UBE2E2: variants seen among roughly 807,000 people sequenced by gnomAD.
UBE2E2 encodes ubiquitin-conjugating enzyme E2 E2.
UBE2E2 carries 6 observed loss-of-function variants against 24.7 expected under a neutral mutation model. The ratio of observed to expected loss-of-function variants is 0.24; its 90% CI spans 0.13 to 0.48. UBE2E2 has a LOEUF of 0.48. UBE2E2 is among the 20% of genes least tolerant of loss of function. The pLI is 0.99. For synonymous variants in UBE2E2, 104 were observed against 83.6 expected (o/e 1.24, Z -1.33); for missense variants, 169 against 245.0 (o/e 0.69, Z 2.07).
chr3:23,362,058 A>C (rs866085997), intron 3 of UBE2E2, among the ~76,000 whole-genome samples: 1 of 152,222 alleles, frequency 6.6e-6, no homozygotes, highest in Admixed American at 6.5e-5. Flanking sequence ...AAATTCAGGA[A>C]GAAGGGGCCA....
At chr3:23,555,123 G>A in intron 5 of UBE2E2, among the ~76,000 whole-genome samples, 1 of 151,940 alleles carries the variant, frequency 6.6e-6, no homozygotes, top group South Asian at 2.1e-4. Context: ...CACCATGTTG[G>A]CCAGTCTGGT....
At chr3:23,507,221 G>C (rs1477558432) in intron 4 of UBE2E2, among the ~76,000 whole-genome samples, 1 of 152,080 alleles carries the variant, frequency 6.6e-6, no homozygotes, top group Non-Finnish European at 1.5e-5. Flanking sequence ...CCTTTTCAGA[G>C]AGGTTCTTGG....
At chr3:23,206,995 A>T (rs1552931) in intron 1 of UBE2E2, among the ~76,000 whole-genome samples, 1 of 151,954 alleles carries the variant, frequency 6.6e-6, no homozygotes, top group Non-Finnish European at 1.5e-5. Flanking sequence ...TTAAAGATAT[A>T]TTTTTTGCTG....
At chr3:23,480,901 T>C (rs17013329) in intron 3 of UBE2E2, among the ~76,000 whole-genome samples, 6,346 of 152,280 alleles carry the variant, frequency 0.042, 463 homozygotes, top group African/African-American at 0.14. Context: ...AAGTCAGTAA[T>C]TGGCGAAACT....
intron 2 of UBE2E2, among the ~76,000 whole-genome samples, chr3:23,211,734 C>T (rs1194671079): frequency 6.6e-6 from 1 of 152,000 alleles, no homozygotes; most frequent in Non-Finnish European, 1.5e-5. Flanking sequence ...CTCAAAGCCT[C>T]GATTTCTTCT....
At chr3:23,539,765 A>G (rs1450077881) in intron 5 of UBE2E2, among the ~76,000 whole-genome samples, 1 of 152,206 alleles carries the variant, frequency 6.6e-6, no homozygotes, top group Non-Finnish European at 1.5e-5. Flanking sequence ...CAGGTACAGT[A>G]AAATCTTACT....
intron 3 of UBE2E2, among the ~76,000 whole-genome samples, chr3:23,369,200 T>C (rs1362476165): frequency 6.6e-6 from 1 of 152,142 alleles, no homozygotes; most frequent in Non-Finnish European, 1.5e-5. Context: ...CAATATCAAA[T>C]AGTATATAAG....
At chr3:23,381,022 GATAGTGTTGTTAATGAAT>G (rs1377474462) in intron 3 of UBE2E2, among the ~76,000 whole-genome samples, 1 of 152,190 alleles carries the variant, frequency 6.6e-6, no homozygotes, top group Non-Finnish European at 1.5e-5. Context: ...TATTGCCATT[GATAGTGTTGTTAATGAAT>G]AGAATCTTCA....
intron 5 of UBE2E2, among the ~76,000 whole-genome samples, chr3:23,554,035 T>TAA (rs944546298): frequency 6.7e-6 from 1 of 150,026 alleles, no homozygotes; most frequent in Non-Finnish European, 1.5e-5. Flanking sequence ...CACATAAATT[T>TAA]AAAAAAAAAA....
At chr3:23,560,430 T>G (rs1252878500) in intron 5 of UBE2E2, among the ~76,000 whole-genome samples, 1 of 152,196 alleles carries the variant, frequency 6.6e-6, no homozygotes, top group Non-Finnish European at 1.5e-5. Flanking sequence ...TATTCCATAG[T>G]GTATATGTGC....
chr3:23,348,236 C>T (rs1202773944), intron 3 of UBE2E2, among the ~76,000 whole-genome samples: 1 of 151,414 alleles, frequency 6.6e-6, no homozygotes, highest in East Asian at 1.9e-4. Flanking sequence ...TATCTCTCTG[C>T]ATAAATGCTC....
At chr3:23,343,460 C>T (rs145991780) in intron 3 of UBE2E2, among the ~76,000 whole-genome samples, 21 of 152,162 alleles carry the variant, frequency 1.4e-4, no homozygotes, top group African/African-American at 4.6e-4. Flanking sequence ...CCTGTAGTCC[C>T]ATCTACTCAG....
chr3:23,453,148 A>T (rs1024883715), intron 3 of UBE2E2, among the ~76,000 whole-genome samples: 4 of 152,348 alleles, frequency 2.6e-5, no homozygotes, highest in Admixed American at 1.3e-4. Context: ...GTGCCTTCCT[A>T]TAACTGGCAA....
intron 3 of UBE2E2, among the ~76,000 whole-genome samples, chr3:23,258,079 G>A (rs1377857933): frequency 6.6e-6 from 1 of 152,156 alleles, no homozygotes; most frequent in South Asian, 2.1e-4. Context: ...ACTAATAATG[G>A]TGGTTAAGCC....
At chr3:23,259,061 A>C (rs189598252) in intron 3 of UBE2E2, among the ~76,000 whole-genome samples, 11 of 152,286 alleles carry the variant, frequency 7.2e-5, no homozygotes, top group Admixed American at 6.5e-4. Context: ...TATACAGGTG[A>C]ATTCTTTTAA....
intron 3 of UBE2E2, among the ~76,000 whole-genome samples, chr3:23,281,207 C>G (rs1027327330): frequency 1.3e-5 from 2 of 151,842 alleles, no homozygotes; most frequent in Admixed American, 1.3e-4. Context: ...GTAACACTTA[C>G]GTTAGTGAGG....
chr3:23,566,015 T>G (rs1473475113), intron 5 of UBE2E2, among the ~76,000 whole-genome samples: 2 of 152,208 alleles, frequency 1.3e-5, no homozygotes, highest in African/African-American at 4.8e-5. Flanking sequence ...TACATATTAA[T>G]GCGTTGTTTT....
chr3:23,352,906 C>A (rs578117136), intron 3 of UBE2E2, among the ~76,000 whole-genome samples: 319 of 152,312 alleles, frequency 2.1e-3, no homozygotes, highest in Non-Finnish European at 2.8e-3. Flanking sequence ...CATCCTGATA[C>A]CAAAGCCGGG....
chr3:23,405,731 C>T (rs892506646), intron 3 of UBE2E2, among the ~76,000 whole-genome samples: 3 of 152,122 alleles, frequency 2.0e-5, no homozygotes, highest in Admixed American at 1.3e-4. Context: ...TTACCACACT[C>T]TTTAACATTT....
Sources: allele counts gnomAD v4.1 joint callset (sites outside exome capture counted in the v4.1 genomes callset), GRCh38; gene constraint gnomAD v4.1.1; transcripts MANE v1.5; gene names NCBI Gene and HGNC (gene_info 2026-07-23, HGNC 2026-07-21).